Variants in GRAMD2B observed in about 807,000 individuals in gnomAD.
GRAMD2B encodes the protein GRAM domain containing 2B, also known as GRAM domain-containing protein 2B.
Under a neutral mutation model 59.2 loss-of-function variants are expected in GRAMD2B, and 41 were observed. That is an observed-to-expected ratio of 0.69 (90% CI 0.54 to 0.90). GRAMD2B has a LOEUF of 0.90. GRAMD2B is among the 40% of genes least tolerant of loss of function. The pLI is 0.00. For synonymous variants in GRAMD2B, 161 were observed against 182.7 expected (o/e 0.88, Z 0.96); for missense variants, 424 against 500.5 (o/e 0.85, Z 1.46).
chr5:126,435,567 G>A (rs1374291315), intron 1 of GRAMD2B, among the ~76,000 whole-genome samples: 3 of 152,052 alleles, frequency 2.0e-5, no homozygotes, highest in Non-Finnish European at 4.4e-5. Context: ...CTCTACTACC[G>A]ACTCTTTGAA....
chr5:126,491,557 T>C (rs547333978), intron 13 of GRAMD2B, among the ~76,000 whole-genome samples: 123 of 152,298 alleles, frequency 8.1e-4, no homozygotes, highest in African/African-American at 2.6e-3. Flanking sequence ...AGGCATGCCT[T>C]TGCTGGCACT....
intron 1 of GRAMD2B, among the ~76,000 whole-genome samples, chr5:126,452,364 C>T (rs751551998): frequency 5.9e-5 from 9 of 152,182 alleles, no homozygotes; most frequent in Non-Finnish European, 1.2e-4. Context: ...ATCCTAATGC[C>T]TTCACCTCGG....
chr5:126,365,568 C>T (rs1324949420), intron 1 of GRAMD2B, among the ~76,000 whole-genome samples: 1 of 152,182 alleles, frequency 6.6e-6, no homozygotes, highest in African/African-American at 2.4e-5. Flanking sequence ...AGGGAGTCAG[C>T]TCATGCTTGC....
At chr5:126,422,193 G>A (rs1281979648), upstream of GRAMD2B, among the ~76,000 whole-genome samples, 3 of 130,592 alleles carry the variant, frequency 2.3e-5, no homozygotes, top group Non-Finnish European at 4.8e-5. Context: ...TGACATTTAT[G>A]CACGGATTTT....
chr5:126,449,773 C>T (rs1764994333), intron 1 of GRAMD2B, among the ~76,000 whole-genome samples: 1 of 152,140 alleles, frequency 6.6e-6, no homozygotes, highest in African/African-American at 2.4e-5. Context: ...CTGCTGATGC[C>T]CGTGTTGATT....
chr5:126,453,834 A>C (rs1038300230), intron 1 of GRAMD2B, among the ~76,000 whole-genome samples: 2 of 152,226 alleles, frequency 1.3e-5, no homozygotes, highest in African/African-American at 4.8e-5. Context: ...CTTGTCAGCC[A>C]CACTTGGGAA....
At chr5:126,449,266 G>A (rs1764893765) in intron 1 of GRAMD2B, among the ~76,000 whole-genome samples, 2 of 152,044 alleles carry the variant, frequency 1.3e-5, no homozygotes, top group Non-Finnish European at 2.9e-5. Context: ...TTAAAATATT[G>A]GGGTAAACAT....
rs917245905 is a variant in GRAMD2B at position 126,492,913 on chromosome 5, A to G, written c.1258-2A>G. On this transcript the variant is annotated splice_acceptor_variant, in intron 13 of 13. Transcript: ENST00000285689. LOFTEE classifies it high-confidence loss of function. ...TAGGAACTTCTTTTCTTTTATTTCA[A>G]GATACAAAATAACTTACAGAAGTTG... 3.7e-6 allele frequency: 6 copies of G among 1,600,636 alleles called. No individual in the cohort carries two copies. The highest frequency in any genetic ancestry group is 1.1e-5 in the South Asian group (1 of 90,708).
intron 1 of GRAMD2B, among the ~76,000 whole-genome samples, chr5:126,411,645 T>A (rs1758798865): frequency 6.6e-6 from 1 of 152,066 alleles, no homozygotes; most frequent in South Asian, 2.1e-4. Context: ...TTAAAAATGA[T>A]GTTGATAGCT....
intron 1 of GRAMD2B, chr5:126,458,887 C>T (rs1019154539): frequency 2.6e-5 from 4 of 152,178 alleles, no homozygotes; most frequent in Admixed American, 6.5e-5. Context: ...TCTTATCCCC[C>T]GTTGATGCCT....
exon 1 of GRAMD2B, chr5:126,371,492 C>T: frequency 7.8e-7 from 1 of 1,289,290 alleles, no homozygotes; most frequent in Non-Finnish European, 1.0e-6. Flanking sequence ...CGGTTTGAGA[C>T]TCCGGGCAGC....
intron 5 of GRAMD2B, among the ~76,000 whole-genome samples, chr5:126,473,980 C>T (rs1770101694): frequency 6.6e-6 from 1 of 152,152 alleles, no homozygotes; most frequent in South Asian, 2.1e-4. Flanking sequence ...AGCAGAGACA[C>T]ATGACATCCT....
At chr5:126,490,002 A>G (rs552573439) in intron 13 of GRAMD2B, among the ~76,000 whole-genome samples, 7 of 152,356 alleles carry the variant, frequency 4.6e-5, no homozygotes, top group African/African-American at 1.7e-4. Context: ...CAGCTAAAGT[A>G]TTAAGAGCAA....
intron 5 of GRAMD2B, among the ~76,000 whole-genome samples, chr5:126,476,284 G>C (rs890956172): frequency 2.0e-5 from 3 of 151,932 alleles, no homozygotes; most frequent in African/African-American, 4.8e-5. Flanking sequence ...AAAAAAAAAA[G>C]CTCATTTGCT....
chr5:126,423,465 G>T lies in GRAMD2B; in HGVS notation c.-142G>T. 1 of 1,437,756 alleles carries T rather than the reference G, an allele frequency of 7.0e-7. No homozygotes were observed. The allele number at this position is 1,437,756 out of a possible 1,614,324, so 89.1% of individuals were successfully genotyped here. On this transcript the variant is annotated 5_prime_UTR_variant, in exon 1 of 14. Coordinates refer to ENST00000285689, the MANE Select transcript of GRAMD2B (RefSeq NM_023927.4). The stretch of plus-strand genomic sequence containing the variant: ...CGGCCCCGGGAGCTTGGCGCGGCCC[G>T]GCCTGGATGCGCTGGGCGGAGGGTG...
upstream of GRAMD2B, chr5:126,371,244 G>T (rs927327047): frequency 1.0e-6 from 1 of 979,424 alleles, no homozygotes; most frequent in East Asian, 1.0e-4. Context: ...GATGAAAACC[G>T]CCCTGTGTCA....
intron 1 of GRAMD2B, among the ~76,000 whole-genome samples, chr5:126,387,209 T>C (rs1293784809): frequency 1.3e-5 from 2 of 150,770 alleles, no homozygotes; most frequent in East Asian, 3.9e-4. Flanking sequence ...ATAAAGAAAA[T>C]AGAAGGGGAA....
chr5:126,363,695 A>G (rs537925586), intron 1 of GRAMD2B, among the ~76,000 whole-genome samples: 34 of 152,346 alleles, frequency 2.2e-4, no homozygotes, highest in African/African-American at 7.9e-4. Flanking sequence ...GTATGATCCC[A>G]TCTATATATG....
intron 1 of GRAMD2B, among the ~76,000 whole-genome samples, chr5:126,439,961 C>G (rs1009923352): frequency 2.6e-5 from 4 of 152,172 alleles, no homozygotes; most frequent in African/African-American, 9.7e-5. Flanking sequence ...TCCTCCTTCA[C>G]CTTCCACCGT....
Sources: gnomAD v4.1 joint callset for allele counts (sites outside exome capture counted in the v4.1 genomes callset) on GRCh38, gnomAD v4.1.1 for gene constraint, MANE v1.5 for transcripts, NCBI Gene and HGNC (gene_info 2026-07-23, HGNC 2026-07-21) for gene names.